Variants in NKAIN2 observed in about 807,000 individuals in gnomAD.
NKAIN2 encodes the protein sodium/potassium transporting ATPase interacting 2, also known as sodium/potassium-transporting ATPase subunit beta-1-interacting protein 2.
In NKAIN2, 14 loss-of-function variants were observed where a neutral mutation model predicts 32.6. That is an observed-to-expected ratio of 0.43 (90% CI 0.28 to 0.67). NKAIN2 has a LOEUF of 0.67. NKAIN2 is among the 30% of genes least tolerant of loss of function. NKAIN2 has a pLI of 0.17. For synonymous variants in NKAIN2, 80 were observed against 87.2 expected (o/e 0.92, Z 0.46); for missense variants, 198 against 258.3 (o/e 0.77, Z 1.60).
intron 1 of NKAIN2, among the ~76,000 whole-genome samples, chr6:123,878,940 C>A (rs1773310752): frequency 1.3e-5 from 2 of 152,190 alleles, no homozygotes; most frequent in Non-Finnish European, 2.9e-5. Context: ...CCCTTACTCT[C>A]AGAGATAGTA....
chr6:124,195,057 T>G (rs999688739), intron 1 of NKAIN2, among the ~76,000 whole-genome samples: 7 of 151,564 alleles, frequency 4.6e-5, no homozygotes, highest in African/African-American at 7.2e-5. Context: ...TTATTTTTTG[T>G]GTTCTATTCT....
chr6:124,723,706 G>A lies in NKAIN2; in HGVS notation c.474+65320G>A, dbSNP rs144727431. On this transcript the variant is annotated intron_variant, in intron 4 of 6. Coordinates refer to ENST00000368417, the MANE Select transcript of NKAIN2 (RefSeq NM_001040214.3). ...AGTTTTTACTGTAAGTAAGAAACAA[G>A]TTAAAAGGTGCTTAATGTCAAGATT... is the stretch of plus-strand genomic sequence containing the variant. 3.7e-4 allele frequency among the ~76,000 whole-genome samples: 56 copies of A among 152,316 alleles called. No homozygotes were observed. The East Asian group carries it at 9.5e-3, about 26-fold the overall frequency.
intron 4 of NKAIN2, among the ~76,000 whole-genome samples, chr6:124,716,024 C>T (rs1415692974): frequency 1.3e-5 from 2 of 152,156 alleles, no homozygotes; most frequent in Non-Finnish European, 2.9e-5. Context: ...TTTTTGTTCT[C>T]TCTTTTCACA....
intron 3 of NKAIN2, among the ~76,000 whole-genome samples, chr6:124,541,832 C>G (rs922538086): frequency 2.0e-5 from 3 of 152,070 alleles, no homozygotes; most frequent in Non-Finnish European, 2.9e-5. Context: ...CTGGATAGGA[C>G]CAGTATGTGA....
chr6:124,677,661 T>A (rs1267066856), intron 4 of NKAIN2, among the ~76,000 whole-genome samples: 1 of 152,162 alleles, frequency 6.6e-6, no homozygotes, highest in Non-Finnish European at 1.5e-5. Flanking sequence ...TTTTATACTG[T>A]GTATCTATTA....
chr6:124,198,946 T>A (rs1790465052), intron 1 of NKAIN2, among the ~76,000 whole-genome samples: 1 of 152,192 alleles, frequency 6.6e-6, no homozygotes, highest in South Asian at 2.1e-4. Context: ...TGTGGGACAC[T>A]TTGCGCCTTT....
chr6:124,005,612 T>G (rs1317643874), intron 1 of NKAIN2, among the ~76,000 whole-genome samples: 1 of 152,212 alleles, frequency 6.6e-6, no homozygotes, highest in Non-Finnish European at 1.5e-5. Context: ...CTACTTTATT[T>G]GGCAATAACA....
chr6:124,540,406 G>C (rs1251210912), intron 3 of NKAIN2, among the ~76,000 whole-genome samples: 2 of 152,306 alleles, frequency 1.3e-5, no homozygotes, highest in South Asian at 4.1e-4. Flanking sequence ...TATGCCAGCA[G>C]TTATAAAGCT....
At chr6:123,971,761 A>G (rs1778354175) in intron 1 of NKAIN2, among the ~76,000 whole-genome samples, 1 of 152,218 alleles carries the variant, frequency 6.6e-6, no homozygotes, top group African/African-American at 2.4e-5. Flanking sequence ...ACCCAGACCG[A>G]TAACATGTGA....
intron 1 of NKAIN2, among the ~76,000 whole-genome samples, chr6:124,109,893 G>GT (rs1785295971): frequency 6.6e-6 from 1 of 151,918 alleles, no homozygotes; most frequent in South Asian, 2.1e-4. Flanking sequence ...TTGATTTGCT[G>GT]TATCACGTTA....
chr6:124,712,542 C>T (rs1358945883), intron 4 of NKAIN2, among the ~76,000 whole-genome samples: 8 of 117,220 alleles, frequency 6.8e-5, no homozygotes, highest in African/African-American at 2.5e-4. Flanking sequence ...TTAAGCCCGT[C>T]GGAAAAGCGC....
chr6:124,207,676 T>C (rs1790963540), intron 1 of NKAIN2, among the ~76,000 whole-genome samples: 1 of 151,888 alleles, frequency 6.6e-6, no homozygotes, highest in African/African-American at 2.4e-5. Context: ...TACTGATTTT[T>C]TGTTCAAACT....
chr6:124,028,644 C>A (rs1331111798), intron 1 of NKAIN2, among the ~76,000 whole-genome samples: 1 of 147,232 alleles, frequency 6.8e-6, no homozygotes, highest in South Asian at 2.1e-4. Context: ...ATTGTTTGGT[C>A]TTTGGACTTG....
At chr6:123,826,279 TG>T (rs1363779184) in intron 1 of NKAIN2, among the ~76,000 whole-genome samples, 2 of 152,178 alleles carry the variant, frequency 1.3e-5, no homozygotes, top group Non-Finnish European at 2.9e-5. Context: ...CAAAACGCCA[TG>T]GGTTTTTTAG....
chr6:124,342,045 G>A (rs117105264), intron 2 of NKAIN2, among the ~76,000 whole-genome samples: 7 of 152,136 alleles, frequency 4.6e-5, no homozygotes, highest in South Asian at 2.1e-4. Context: ...TTGTACAAAC[G>A]GTAAATATTG....
intron 2 of NKAIN2, among the ~76,000 whole-genome samples, chr6:124,344,835 G>T (rs528879326): frequency 2.0e-5 from 3 of 152,166 alleles, no homozygotes; most frequent in South Asian, 4.2e-4. Flanking sequence ...TCCTTCTACT[G>T]CCTGATTGCC....
chr6:123,915,641 T>C (rs558289632), intron 1 of NKAIN2, among the ~76,000 whole-genome samples: 1 of 152,214 alleles, frequency 6.6e-6, no homozygotes, highest in East Asian at 1.9e-4. Flanking sequence ...CGAGAGAAAA[T>C]TCTACAATTG....
At chr6:124,708,723 T>C (rs1296157859) in intron 4 of NKAIN2, among the ~76,000 whole-genome samples, 1 of 152,130 alleles carries the variant, frequency 6.6e-6, no homozygotes. Context: ...GCTTATCAGC[T>C]TAAGAAGAGT....
At chr6:124,198,318 G>T (rs773843866) in intron 1 of NKAIN2, among the ~76,000 whole-genome samples, 2 of 151,754 alleles carry the variant, frequency 1.3e-5, no homozygotes, top group Non-Finnish European at 2.9e-5. Flanking sequence ...TTCATGCTCC[G>T]CCCGTGTTGT....
Sources: allele counts gnomAD v4.1 joint callset (sites outside exome capture counted in the v4.1 genomes callset), GRCh38; gene constraint gnomAD v4.1.1; transcripts MANE v1.5; gene names NCBI Gene and HGNC (gene_info 2026-07-23, HGNC 2026-07-21).